CHST9: variants seen among roughly 807,000 people sequenced by gnomAD.
CHST9 encodes GalNAc-4-sulfotransferase 2.
Under a neutral mutation model 44.4 loss-of-function variants are expected in CHST9, and 41 were observed. The observed-to-expected ratio is 0.92, with a 90% CI of 0.72 to 1.20. The LOEUF is 1.20. Ranked by LOEUF, CHST9 falls within the 50% of genes most tolerant of loss-of-function variation. The pLI is 0.00. For synonymous variants in CHST9, 171 were observed against 178.4 expected (o/e 0.96, Z 0.33); for missense variants, 504 against 516.5 (o/e 0.98, Z 0.23).
intron 2 of CHST9, among the ~76,000 whole-genome samples, chr18:27,128,953 T>C (rs994801898): frequency 6.6e-6 from 1 of 152,080 alleles, no homozygotes; most frequent in Non-Finnish European, 1.5e-5. Flanking sequence ...CTTTTTGGGG[T>C]CTCCTATGTT....
chr18:27,062,862 G>A (rs1426800739), intron 2 of CHST9, among the ~76,000 whole-genome samples: 2 of 152,178 alleles, frequency 1.3e-5, no homozygotes, highest in African/African-American at 4.8e-5. Context: ...TCTAACTGGT[G>A]TGAGTTGCTA....
intron 2 of CHST9, among the ~76,000 whole-genome samples, chr18:27,115,524 CTTGT>C (rs2058312241): frequency 6.6e-6 from 1 of 151,896 alleles, no homozygotes. Context: ...TACTTGTTAT[CTTGT>C]TTGTTTTTTT....
intron 2 of CHST9, among the ~76,000 whole-genome samples, chr18:27,138,288 C>G (rs2058533893): frequency 6.6e-6 from 1 of 152,114 alleles, no homozygotes; most frequent in South Asian, 2.1e-4. Context: ...CTCAGCACAT[C>G]CAATTGTTAA....
chr18:27,079,464 T>A (rs2057939848), intron 2 of CHST9, among the ~76,000 whole-genome samples: 2 of 151,290 alleles, frequency 1.3e-5, no homozygotes, highest in Non-Finnish European at 3.0e-5. Context: ...ATATTTTCTA[T>A]TTTTTTTTAC....
chr18:27,004,684 C>T (rs1195170659), intron 4 of CHST9, among the ~76,000 whole-genome samples: 1 of 152,144 alleles, frequency 6.6e-6, no homozygotes, highest in Non-Finnish European at 1.5e-5. Context: ...TTTGTTCTAA[C>T]GGTTTCCCTT....
At chr18:27,058,514 C>G (rs2057684384) in intron 2 of CHST9, among the ~76,000 whole-genome samples, 1 of 152,160 alleles carries the variant, frequency 6.6e-6, no homozygotes, top group Non-Finnish European at 1.5e-5. Context: ...AGGCCTTGAG[C>G]ATCAGGCAGC....
At chr18:26,998,827 A>G (rs1437021929) in intron 4 of CHST9, among the ~76,000 whole-genome samples, 2 of 152,000 alleles carry the variant, frequency 1.3e-5, no homozygotes, top group East Asian at 3.9e-4. Context: ...ACCAAATGGG[A>G]AAGAATTTCC....
chr18:27,073,947 CCTA>C (rs1380010519), intron 2 of CHST9, among the ~76,000 whole-genome samples: 1 of 151,648 alleles, frequency 6.6e-6, no homozygotes, highest in Non-Finnish European at 1.5e-5. Flanking sequence ...TTAGTTGCAC[CCTA>C]CAACTCTATG....
chr18:27,163,426 G>C (rs1598771282), intron 1 of CHST9, among the ~76,000 whole-genome samples: 1 of 152,202 alleles, frequency 6.6e-6, no homozygotes, highest in African/African-American at 2.4e-5. Flanking sequence ...AGTCTACAGA[G>C]GCAGGCAGGC....
chr18:27,097,665 T>C (rs1401634312), intron 2 of CHST9, among the ~76,000 whole-genome samples: 1 of 152,178 alleles, frequency 6.6e-6, no homozygotes, highest in Middle Eastern at 3.2e-3. Context: ...CCCATGCCTA[T>C]GTCCTGAATG....
chr18:26,998,792 T>G (rs575049665), intron 4 of CHST9, among the ~76,000 whole-genome samples: 84 of 151,070 alleles, frequency 5.6e-4, no homozygotes, highest in African/African-American at 1.7e-3. Flanking sequence ...TAGACTATTA[T>G]GTCTTACTGT....
At chr18:26,996,971 T>C (rs1053142940) in intron 4 of CHST9, among the ~76,000 whole-genome samples, 5 of 152,140 alleles carry the variant, frequency 3.3e-5, no homozygotes, top group African/African-American at 1.2e-4. Flanking sequence ...ATCAGAAAAA[T>C]ATGCAGTATT....
intron 2 of CHST9, among the ~76,000 whole-genome samples, chr18:27,124,723 A>G (rs1009435636): frequency 1.3e-5 from 2 of 152,180 alleles, no homozygotes; most frequent in Non-Finnish European, 2.9e-5. Flanking sequence ...GCAAACCAGG[A>G]GTCTCTACCT....
chr18:27,022,199 G>A (rs1262319818), intron 4 of CHST9, among the ~76,000 whole-genome samples: 1 of 152,182 alleles, frequency 6.6e-6, no homozygotes, highest in Non-Finnish European at 1.5e-5. Context: ...TGGCTGAACT[G>A]AGTTTCGAAC....
intron 2 of CHST9, among the ~76,000 whole-genome samples, chr18:27,134,367 T>C (rs2058496668): frequency 6.6e-6 from 1 of 151,688 alleles, no homozygotes; most frequent in Non-Finnish European, 1.5e-5. Flanking sequence ...AAGGTGGCTT[T>C]ACTTTGCCTG....
chr18:26,964,962 C>A (rs372149407), intron 4 of CHST9, among the ~76,000 whole-genome samples: 20 of 152,210 alleles, frequency 1.3e-4, no homozygotes, highest in African/African-American at 3.4e-4. Flanking sequence ...GGTCAGATGG[C>A]GATGGCAGGA....
chr18:27,109,802 T>TA (rs1029384694), intron 2 of CHST9, among the ~76,000 whole-genome samples: 13 of 152,112 alleles, frequency 8.5e-5, no homozygotes, highest in African/African-American at 2.7e-4. Flanking sequence ...GTGCCCCAGT[T>TA]ACCTAGGTGA....
chr18:27,104,379 C>G (rs942829415), intron 2 of CHST9, among the ~76,000 whole-genome samples: 2 of 152,156 alleles, frequency 1.3e-5, no homozygotes, highest in Non-Finnish European at 2.9e-5. Context: ...TCTTTGCCTG[C>G]TTTGCATGGG....
chr18:26,985,547 A>G (rs1253399472), intron 4 of CHST9, among the ~76,000 whole-genome samples: 1 of 152,122 alleles, frequency 6.6e-6, no homozygotes, highest in Admixed American at 6.5e-5. Context: ...AGCCCAGAAG[A>G]CTCTTTGAGT....
Sources: gnomAD v4.1 joint callset for allele counts (sites outside exome capture counted in the v4.1 genomes callset) on GRCh38, gnomAD v4.1.1 for gene constraint, MANE v1.5 for transcripts, NCBI Gene and HGNC (gene_info 2026-07-23, HGNC 2026-07-21) for gene names.